Variants in PIK3CB observed in about 807,000 individuals in gnomAD.
PIK3CB encodes the protein phosphatidylinositol 4,5-bisphosphate 3-kinase catalytic subunit beta isoform.
A neutral mutation model predicts 136.8 loss-of-function variants in PIK3CB; 39 were observed. That is an observed-to-expected ratio of 0.29 (90% confidence interval 0.22 to 0.37). The LOEUF is 0.37. Among genes scored for constraint, PIK3CB ranks in the 10% least tolerant of loss-of-function variants. The pLI, the probability that PIK3CB is intolerant of heterozygous loss-of-function variation, is 1.00. For missense variants in PIK3CB, 868 were observed against 1,275.4 expected, an observed-to-expected ratio of 0.68 and a Z score of 4.87; for synonymous variants, 428 against 436.6, an observed-to-expected ratio of 0.98 and a Z score of 0.25.
intron 12 of PIK3CB, among the ~76,000 whole-genome samples, chr3:138,700,607 G>A (rs2044229294): frequency 6.6e-6 from 1 of 151,994 alleles, no homozygotes; most frequent in South Asian, 2.1e-4. Flanking sequence ...ATGAATGGGG[G>A]AGAAGAGGAG....
intron 2 of PIK3CB, among the ~76,000 whole-genome samples, chr3:138,779,998 C>T (rs1173755073): frequency 2.6e-5 from 4 of 152,002 alleles, no homozygotes; most frequent in African/African-American, 4.8e-5. Flanking sequence ...CGCTCTGTTG[C>T]CCAGGCTGGA....
At chr3:138,688,231 G>A (rs1007072244) in intron 16 of PIK3CB, among the ~76,000 whole-genome samples, 1 of 152,168 alleles carries the variant, frequency 6.6e-6, no homozygotes, top group African/African-American at 2.4e-5. Context: ...GCCAGGTACG[G>A]TGGCTCACAC....
intron 4 of PIK3CB, among the ~76,000 whole-genome samples, chr3:138,747,069 T>TGGC (rs1359925089): frequency 2.9e-5 from 1 of 34,554 alleles, no homozygotes; most frequent in Non-Finnish European, 5.5e-5. Context: ...TATATATATA[T>TGGC]ATATATATAT....
At chr3:138,830,765 G>A (rs1933991536) in intron 1 of PIK3CB, among the ~76,000 whole-genome samples, 2 of 150,670 alleles carry the variant, frequency 1.3e-5, no homozygotes, top group Non-Finnish European at 3.0e-5. Context: ...AGCCGGGCGT[G>A]TTGGCTGGCG....
At chr3:138,661,939 T>C (rs1577040981) in intron 21 of PIK3CB, among the ~76,000 whole-genome samples, 1 of 152,164 alleles carries the variant, frequency 6.6e-6, no homozygotes, top group Non-Finnish European at 1.5e-5. Flanking sequence ...AAATTTTCAT[T>C]TGAAAACTTA....
chr3:138,821,499 A>T, intron 1 of PIK3CB, among the ~76,000 whole-genome samples: 1 of 151,366 alleles, frequency 6.6e-6, no homozygotes, highest in East Asian at 2.0e-4. Context: ...AAAAAATATT[A>T]ATAGCCTGGG....
At chr3:138,669,463 A>AATTCAGAT (rs1190318203) in intron 19 of PIK3CB, among the ~76,000 whole-genome samples, 4 of 151,544 alleles carry the variant, frequency 2.6e-5, no homozygotes, top group African/African-American at 9.7e-5. Flanking sequence ...CCATTAGTGT[A>AATTCAGAT]ATTCAGATAT....
chr3:138,680,087 C>T (rs1011844071), intron 19 of PIK3CB, among the ~76,000 whole-genome samples: 8 of 151,596 alleles, frequency 5.3e-5, no homozygotes, highest in Non-Finnish European at 1.0e-4. Flanking sequence ...AGACAGGGGG[C>T]GGCGACTCAC....
chr3:138,758,485 C>T (rs1157907984), intron 3 of PIK3CB, among the ~76,000 whole-genome samples: 1 of 152,180 alleles, frequency 6.6e-6, no homozygotes, highest in Non-Finnish European at 1.5e-5. Flanking sequence ...AATAGGTGCA[C>T]CATGCATGAG....
intron 16 of PIK3CB, among the ~76,000 whole-genome samples, 175 bp downstream of exon 16, chr3:138,688,700 G>C (rs960141926): frequency 6.6e-6 from 1 of 152,106 alleles, no homozygotes; most frequent in Non-Finnish European, 1.5e-5. Context: ...GTATTCATCA[G>C]GTTGTCTGTT....
At chr3:138,674,704 C>T (rs2043608324) in intron 19 of PIK3CB, among the ~76,000 whole-genome samples, 1 of 152,094 alleles carries the variant, frequency 6.6e-6, no homozygotes, top group Non-Finnish European at 1.5e-5. Flanking sequence ...ACTTATTACA[C>T]AAAGATTTAA....
intron 1 of PIK3CB, among the ~76,000 whole-genome samples, chr3:138,833,194 G>A (rs941333293): frequency 6.6e-6 from 1 of 151,474 alleles, no homozygotes; most frequent in South Asian, 2.1e-4. Context: ...AGCCTCCCAA[G>A]TAGCTGGGAT....
intron 3 of PIK3CB, among the ~76,000 whole-genome samples, chr3:138,756,683 C>A (rs1304366901): frequency 2.5e-4 from 38 of 152,076 alleles, no homozygotes; most frequent in Non-Finnish European, 2.9e-5. Context: ...AATAACAGAC[C>A]TGAGTTAAAA....
At position 138,745,983 on chromosome 3, in the gene PIK3CB, A is replaced by G. The variant is rs192159343; in HGVS notation, c.398-3202T>C. The stretch of plus-strand genomic sequence containing the variant: ...TGTTCAGGGTCAGACAAGGCAGCTC[A>G]CACCTATAATCCCAACATTTTGGGA... On this transcript the variant is annotated intron_variant, in intron 4 of 23. Coordinates refer to ENST00000674063, the MANE Select transcript of PIK3CB (RefSeq NM_006219.3). Among the ~76,000 whole-genome samples the G allele has an allele frequency of 2.8e-3, 422 of 152,186 alleles. 3 individuals carry two copies. Among genetic ancestry groups the G allele is most frequent in the Admixed American group, 5.5e-3 (84 of 15,284 alleles).
intron 1 of PIK3CB, among the ~76,000 whole-genome samples, chr3:138,812,538 T>TC (rs1933120780): frequency 6.6e-6 from 1 of 151,382 alleles, no homozygotes; most frequent in Non-Finnish European, 1.5e-5. Context: ...CCTGGCTTTT[T>TC]TTTTTTTGAG....
chr3:138,728,000 G>A (rs763008311), intron 8 of PIK3CB, among the ~76,000 whole-genome samples: 2 of 151,736 alleles, frequency 1.3e-5, no homozygotes, highest in African/African-American at 2.4e-5. Context: ...CTCGAGATCC[G>A]CCCGCCTCGG....
chr3:138,707,007 T>A (rs2044391930), intron 11 of PIK3CB, 152 bp downstream of exon 11: 1 of 661,702 alleles, frequency 1.5e-6, no homozygotes, highest in Non-Finnish European at 2.7e-6. Flanking sequence ...CTAACAGAGT[T>A]AAGAAGGCTC....
chr3:138,808,734 TTCTC>T (rs111932280), intron 1 of PIK3CB, among the ~76,000 whole-genome samples: 1 of 150,174 alleles, frequency 6.7e-6, no homozygotes, highest in African/African-American at 2.4e-5. Context: ...CTCTCTCCTT[TTCTC>T]TCTCTCTCTC....
chr3:138,655,325 T>C lies in PIK3CB; in HGVS notation c.*64A>G. ...ATCTCTAACAGGGTCATGTTCAATTTAGTGCAAGTGCAAAATGAAAATGAA... is the reference window on the plus strand; with the variant it reads ...ATCTCTAACAGGGTCATGTTCAATTCAGTGCAAGTGCAAAATGAAAATGAA... On this transcript the variant is annotated 3_prime_UTR_variant, in exon 24 of 24. Coordinates refer to ENST00000674063, the MANE Select transcript of PIK3CB (RefSeq NM_006219.3). 1 of 1,515,444 alleles carries C rather than the reference T, an allele frequency of 6.6e-7. No individual in the cohort carries two copies. Among genetic ancestry groups the C allele is most frequent in the South Asian group, 1.1e-5 (1 of 87,796 alleles). The allele number at this position is 1,515,444 out of a possible 1,614,324, so 93.9% of individuals were successfully genotyped here. A position where few individuals can be genotyped will look rare whatever the true frequency, so the allele number is the denominator to read the frequency against.
Sources: allele counts gnomAD v4.1 joint callset (sites outside exome capture counted in the v4.1 genomes callset), GRCh38; gene constraint gnomAD v4.1.1; transcripts MANE v1.5; gene names NCBI Gene and HGNC (gene_info 2026-07-23, HGNC 2026-07-21).